PARP8: variants seen among roughly 807,000 people sequenced by gnomAD.
PARP8 encodes poly(ADP-ribose) polymerase family member 8.
A neutral mutation model predicts 124.1 loss-of-function variants in PARP8; 51 were observed. The observed-to-expected ratio is 0.41, with a 90% CI of 0.33 to 0.52. The LOEUF (loss-of-function observed/expected upper bound fraction) is 0.52, where lower values mean the gene tolerates loss of function less well. PARP8 is among the 20% of genes least tolerant of loss of function. The pLI is 0.21. For synonymous variants in PARP8, 391 were observed against 361.5 expected (o/e 1.08, Z -0.93); for missense variants, 860 against 1,018.9 (o/e 0.84, Z 2.12).
intron 2 of PARP8, among the ~76,000 whole-genome samples, chr5:50,709,896 C>CTA (rs1157420826): frequency 2.8e-5 from 3 of 108,344 alleles, no homozygotes; most frequent in Admixed American, 2.0e-4. Flanking sequence ...GGGGGAGAGA[C>CTA]TATGAGAATA....
At chr5:50,673,407 C>A (rs1750261375) in intron 2 of PARP8, among the ~76,000 whole-genome samples, 1 of 152,032 alleles carries the variant, frequency 6.6e-6, no homozygotes, top group Admixed American at 6.5e-5. Context: ...TTAAGGTGAT[C>A]CTATAGTGAT....
At chr5:50,672,053 G>A (rs192430998) in intron 2 of PARP8, among the ~76,000 whole-genome samples, 6 of 152,256 alleles carry the variant, frequency 3.9e-5, no homozygotes, top group African/African-American at 1.4e-4. Context: ...TCTTTCTCCT[G>A]AGCCTTTGCA....
At chr5:50,803,275 T>A (rs1160429600) in intron 14 of PARP8, among the ~76,000 whole-genome samples, 1 of 152,204 alleles carries the variant, frequency 6.6e-6, no homozygotes, top group Non-Finnish European at 1.5e-5. Context: ...TGTCTTTGGT[T>A]TTTGGCGTCT....
chr5:50,782,865 A>G (rs910799275), intron 9 of PARP8, among the ~76,000 whole-genome samples: 2 of 152,212 alleles, frequency 1.3e-5, no homozygotes, highest in African/African-American at 4.8e-5. Flanking sequence ...GAAGAAAAAC[A>G]GGATGGTGAG....
At chr5:50,771,147 AAT>A (rs535699454) in intron 7 of PARP8, among the ~76,000 whole-genome samples, 2 of 150,056 alleles carry the variant, frequency 1.3e-5, no homozygotes, top group Admixed American at 6.7e-5. Flanking sequence ...ACATATATAT[AAT>A]ATATATATAT....
At chr5:50,685,425 A>G (rs934659018) in intron 2 of PARP8, among the ~76,000 whole-genome samples, 3 of 152,196 alleles carry the variant, frequency 2.0e-5, no homozygotes, top group African/African-American at 7.2e-5. Context: ...GCAGCTGCAT[A>G]CAACTCCTGC....
intron 14 of PARP8, among the ~76,000 whole-genome samples, chr5:50,812,851 A>G (rs1744621334): frequency 6.6e-6 from 1 of 152,176 alleles, no homozygotes; most frequent in Admixed American, 6.5e-5. Context: ...TAAATAAGGA[A>G]TCCTTTCCCT....
intron 12 of PARP8, among the ~76,000 whole-genome samples, chr5:50,796,094 G>C (rs900744885): frequency 8.5e-5 from 13 of 152,114 alleles, no homozygotes; most frequent in African/African-American, 3.1e-4. Flanking sequence ...TGATAGCCAA[G>C]TTCATGCTAG....
At chr5:50,834,733 A>G (rs1747369850) in intron 24 of PARP8, 198 bp from the exon 25 acceptor site, 2 of 590,898 alleles carry the variant, frequency 3.4e-6, no homozygotes, top group Non-Finnish European at 6.0e-6. Flanking sequence ...TTGTTATTCA[A>G]ATTATAAAGT....
At chr5:50,759,855 C>G (rs1286176333) in intron 4 of PARP8, 123 bp downstream of exon 4, 2 of 1,151,980 alleles carry the variant, frequency 1.7e-6, no homozygotes, top group Non-Finnish European at 1.2e-6. Context: ...TAAATCCAGT[C>G]TCCATACAAA....
Position 50,690,379 on chromosome 5 carries a change from G to C in PARP8, c.146+22254G>C, listed in dbSNP as rs1390658477. Among the ~76,000 whole-genome samples the C allele has an allele frequency of 2.0e-5, 3 of 152,282 alleles. No homozygotes were observed. The East Asian group carries it at 5.8e-4, about 29-fold the overall frequency. On this transcript the variant is annotated intron_variant, in intron 2 of 25. Transcript: ENST00000281631. The stretch of plus-strand genomic sequence containing the variant: ...TATGGAGGAGGAAGAGAGATCCCTA[G>C]TGCTGCTTTATTTTTCATCCTGTGC...
intron 2 of PARP8, among the ~76,000 whole-genome samples, chr5:50,730,738 A>G (rs557945333): frequency 7.2e-5 from 11 of 152,306 alleles, no homozygotes; most frequent in African/African-American, 2.6e-4. Context: ...GATTATTGAG[A>G]TATTTTTGTT....
At chr5:50,778,387 A>C (rs1393243651) in intron 8 of PARP8, among the ~76,000 whole-genome samples, 173 bp from the exon 9 acceptor site, 1 of 152,100 alleles carries the variant, frequency 6.6e-6, no homozygotes, top group Non-Finnish European at 1.5e-5. Flanking sequence ...ATTCATTTTT[A>C]GTTCTCATAC....
At chr5:50,841,457 T>C (rs903340449) in intron 25 of PARP8, among the ~76,000 whole-genome samples, 1 of 151,858 alleles carries the variant, frequency 6.6e-6, no homozygotes, top group Non-Finnish European at 1.5e-5. Flanking sequence ...GACTAAATAG[T>C]GCGACCAGTG....
At chr5:50,703,408 TATGGATATGAGAG>T (rs1221939360) in intron 2 of PARP8, among the ~76,000 whole-genome samples, 1 of 152,140 alleles carries the variant, frequency 6.6e-6, no homozygotes, top group East Asian at 1.9e-4. Flanking sequence ...ATTTATTCTG[TATGGATATGAGAG>T]ATGATATTTG....
chr5:50,720,857 G>C (rs899355330), intron 2 of PARP8, among the ~76,000 whole-genome samples: 2 of 151,838 alleles, frequency 1.3e-5, no homozygotes, highest in Non-Finnish European at 2.9e-5. Context: ...TTGAAAATGG[G>C]AAAGGGGCAT....
chr5:50,763,247 ATAAG>A lies in PARP8; in HGVS notation c.518+8_518+11del, dbSNP rs762677911. The A allele has an allele frequency of 6.3e-7, 1 of 1,583,496 alleles. No individual in the cohort carries two copies. The highest frequency in any genetic ancestry group is 1.1e-5 in the South Asian group (1 of 90,400). ...GCCACATGCAGTTTCTCTCAGGTAA[ATAAG>A]TATCACTGGTGAATAAAATTAAAGT... On this transcript the variant is annotated splice_donor_region_variant and intron_variant, in intron 7 of 25. Coordinates refer to ENST00000281631, the MANE Select transcript of PARP8 (RefSeq NM_024615.4).
intron 2 of PARP8, among the ~76,000 whole-genome samples, chr5:50,731,332 T>A (rs1391990045): frequency 6.6e-6 from 1 of 152,194 alleles, no homozygotes; most frequent in East Asian, 1.9e-4. Context: ...TTCAATTGAG[T>A]TCTCTTTTGC....
chr5:50,769,256 G>A (rs1393206620), intron 7 of PARP8, among the ~76,000 whole-genome samples: 3 of 151,346 alleles, frequency 2.0e-5, no homozygotes, highest in Non-Finnish European at 4.4e-5. Flanking sequence ...GGGGAAAACA[G>A]TTGTAGATAA....
Sources: gnomAD v4.1 joint callset for allele counts (sites outside exome capture counted in the v4.1 genomes callset) on GRCh38, gnomAD v4.1.1 for gene constraint, MANE v1.5 for transcripts, NCBI Gene and HGNC (gene_info 2026-07-23, HGNC 2026-07-21) for gene names.